Variants in SPAG16 observed in about 807,000 individuals in gnomAD.
SPAG16 encodes sperm-associated antigen 16 protein.
Under a neutral mutation model 80.4 loss-of-function variants are expected in SPAG16, and 86 were observed. The observed-to-expected ratio is 1.07, with a 90% confidence interval of 0.90 to 1.28. The LOEUF (loss-of-function observed/expected upper bound fraction) is 1.28. SPAG16 is among the 50% of genes most tolerant of loss of function. The pLI is 0.00. For missense variants in SPAG16, 870 were observed against 765.3 expected, an observed-to-expected ratio of 1.14 and a Z score of -1.61; for synonymous variants, 294 against 265.9, an observed-to-expected ratio of 1.11 and a Z score of -1.03.
intron 10 of SPAG16, among the ~76,000 whole-genome samples, chr2:213,510,147 T>C (rs1255239286): frequency 6.6e-6 from 1 of 152,132 alleles, no homozygotes; most frequent in African/African-American, 2.4e-5. Context: ...ATCCCTCATA[T>C]AGCACTTTTT....
rs574685512 is a variant in SPAG16, at chr2:213,618,483, A to G, written c.1070+128393A>G. ...CTGTAAAGTATCTGCTTTCCTCAAC[A>G]GGTTATGAATAAGATTGCCATTTAT... On this transcript the variant is annotated intron_variant, in intron 10 of 15. Coordinates refer to ENST00000331683, the MANE Select transcript of SPAG16 (RefSeq NM_024532.5). Among the ~76,000 whole-genome samples the G allele has an allele frequency of 1.4e-3, 214 of 152,318 alleles. 4 individuals carry two copies. The South Asian group carries it at 0.032, about 23-fold the overall frequency.
At chr2:213,980,569 AG>A (rs2045673361) in intron 12 of SPAG16, among the ~76,000 whole-genome samples, 99 of 140,322 alleles carry the variant, frequency 7.1e-4, no homozygotes, top group South Asian at 1.1e-3. Context: ...GTGTATATAT[AG>A]AGAGTATATG....
At chr2:213,841,486 A>G (rs1235340963) in intron 10 of SPAG16, among the ~76,000 whole-genome samples, 1 of 152,172 alleles carries the variant, frequency 6.6e-6, no homozygotes, top group Non-Finnish European at 1.5e-5. Flanking sequence ...CTTTAAGGGA[A>G]ATAGAGTTAA....
At chr2:214,159,043 A>G (rs2056334290) in intron 15 of SPAG16, among the ~76,000 whole-genome samples, 2 of 151,950 alleles carry the variant, frequency 1.3e-5, no homozygotes, top group African/African-American at 2.4e-5. Flanking sequence ...TAGTTGCGTA[A>G]CTATACACAT....
chr2:214,088,793 C>A (rs1374095763), intron 13 of SPAG16, among the ~76,000 whole-genome samples: 1 of 151,850 alleles, frequency 6.6e-6, no homozygotes, highest in African/African-American at 2.4e-5. Flanking sequence ...CGTTAAGTGA[C>A]CCAATAATGC....
chr2:213,721,550 TTAAG>T (rs1395477541), intron 10 of SPAG16, among the ~76,000 whole-genome samples: 1 of 152,232 alleles, frequency 6.6e-6, no homozygotes, highest in Non-Finnish European at 1.5e-5. Context: ...ACCTGATTGG[TTAAG>T]ATACTTAATC....
chr2:214,328,530 C>T (rs1311384399), intron 15 of SPAG16, among the ~76,000 whole-genome samples: 1 of 152,176 alleles, frequency 6.6e-6, no homozygotes, highest in African/African-American at 2.4e-5. Flanking sequence ...ACTTTGGACA[C>T]CTGAGCTCCC....
At chr2:213,905,534 T>A (rs1055073798) in intron 11 of SPAG16, among the ~76,000 whole-genome samples, 2 of 152,238 alleles carry the variant, frequency 1.3e-5, no homozygotes, top group African/African-American at 4.8e-5. Context: ...ATATTGTGTT[T>A]CATTCATCAA....
rs190674596 is a variant in SPAG16 at position 213,702,324 on chromosome 2, C to G, written c.1071-160161C>G. On this transcript the variant is annotated intron_variant, in intron 10 of 15. Transcript: ENST00000331683. ...GCCAGCTGCGGCAACCCGCTTGGGT[C>G]TCTTTTCATGCTGTGGAAGGTTTGT... Among the ~76,000 whole-genome samples the G allele has an allele frequency of 2.3e-4, 35 of 152,358 alleles. 1 individual carries two copies. In the East Asian group the frequency reaches 6.0e-3, roughly 26 times the overall value.
intron 10 of SPAG16, among the ~76,000 whole-genome samples, chr2:213,500,463 T>C (rs2074691997): frequency 6.6e-6 from 1 of 152,204 alleles, no homozygotes; most frequent in Non-Finnish European, 1.5e-5. Context: ...AGAAAAGTGG[T>C]CTTGAATCGA....
At position 213,759,203 on chromosome 2, in the gene SPAG16, A is replaced by G. The variant is rs1001543996; in HGVS notation, c.1071-103282A>G. 2.6e-5 allele frequency among the ~76,000 whole-genome samples: 4 copies of G among 152,186 alleles called. No individual in the cohort carries two copies. In the East Asian group the frequency reaches 5.8e-4, roughly 22 times the overall value. ...GTGAAATGAGAAGACACTAGACAGT[A>G]ACTTGAAGTTGTGTAAAGAAATAAA... is the stretch of plus-strand genomic sequence containing the variant. On this transcript the variant is annotated intron_variant, in intron 10 of 15. Coordinates refer to ENST00000331683, the MANE Select transcript of SPAG16 (RefSeq NM_024532.5).
At chr2:213,336,599 C>T (rs754819173) in intron 5 of SPAG16, among the ~76,000 whole-genome samples, 5 of 152,182 alleles carry the variant, frequency 3.3e-5, no homozygotes, top group Non-Finnish European at 5.9e-5. Context: ...TTCCCCACAG[C>T]GCAGCACAGC....
At chr2:213,833,548 A>ATATT (rs374240295) in intron 10 of SPAG16, among the ~76,000 whole-genome samples, 1 of 804 alleles carries the variant, frequency 1.2e-3, no homozygotes, top group African/African-American at 5.3e-3. Context: ...TAATATATAT[A>ATATT]ATATATATAA....
chr2:213,539,323 C>T (rs1457447955), intron 10 of SPAG16, among the ~76,000 whole-genome samples: 1 of 152,124 alleles, frequency 6.6e-6, no homozygotes, highest in Non-Finnish European at 1.5e-5. Flanking sequence ...TCACCAGTAT[C>T]TGTTTTATCT....
At chr2:214,310,678 G>A (rs1695235632) in intron 15 of SPAG16, among the ~76,000 whole-genome samples, 2 of 152,184 alleles carry the variant, frequency 1.3e-5, no homozygotes, top group South Asian at 2.1e-4. Flanking sequence ...TGGGAAGTCA[G>A]GAATATGATC....
chr2:214,364,130 C>T (rs901985234), intron 15 of SPAG16, among the ~76,000 whole-genome samples: 17 of 152,068 alleles, frequency 1.1e-4, no homozygotes, highest in African/African-American at 4.1e-4. Context: ...TCTAAAGAGT[C>T]ACCACTATCT....
At chr2:213,524,034 C>T (rs893670511) in intron 10 of SPAG16, among the ~76,000 whole-genome samples, 4 of 152,152 alleles carry the variant, frequency 2.6e-5, no homozygotes, top group African/African-American at 9.7e-5. Context: ...CTTAGCAGCC[C>T]CTCTCATCTC....
intron 10 of SPAG16, among the ~76,000 whole-genome samples, chr2:213,542,598 AAAC>A (rs573373880): frequency 2.6e-5 from 4 of 152,166 alleles, no homozygotes; most frequent in African/African-American, 7.2e-5. Context: ...AGAAAAATAA[AAAC>A]AACAACCAGA....
intron 11 of SPAG16, among the ~76,000 whole-genome samples, chr2:213,920,137 G>T (rs1434252395): frequency 6.9e-5 from 6 of 86,428 alleles, no homozygotes; most frequent in Non-Finnish European, 1.4e-4. Context: ...ATGCTTGGTA[G>T]ATTTTTCTCC....
Sources: allele counts gnomAD v4.1 joint callset (sites outside exome capture counted in the v4.1 genomes callset), GRCh38; gene constraint gnomAD v4.1.1; transcripts MANE v1.5; gene names NCBI Gene and HGNC (gene_info 2026-07-23, HGNC 2026-07-21).